Variants in VPS50 observed in about 807,000 individuals in gnomAD.
VPS50 encodes syndetin.
VPS50 carries 70 observed loss-of-function variants against 139.7 expected under a neutral mutation model. That is an observed-to-expected ratio of 0.50 (90% CI 0.41 to 0.61). The LOEUF (loss-of-function observed/expected upper bound fraction) is 0.61. VPS50 is among the 20% of genes least tolerant of loss of function. The pLI is 0.00. For synonymous variants in VPS50, 365 were observed against 376.7 expected (o/e 0.97, Z 0.36); for missense variants, 921 against 1,133.7 (o/e 0.81, Z 2.69).
chr7:93,340,963 A>G (rs1324200761), intron 22 of VPS50: 1 of 153,414 alleles, frequency 6.5e-6, no homozygotes, highest in Non-Finnish European at 1.4e-5. Context: ...GTTCTAGTTT[A>G]TAACTTCATT....
At chr7:93,353,795 T>A in intron 26 of VPS50, 34 bp downstream of exon 26, 1 of 1,516,608 alleles carries the variant, frequency 6.6e-7, no homozygotes, top group Non-Finnish European at 9.1e-7. Flanking sequence ...TTTGTTTCTT[T>A]AATGACAAAT....
At position 93,290,218 on chromosome 7, in the gene VPS50, G is replaced by A. The variant is rs111947992; in HGVS notation, c.943-1485G>A. On this transcript the variant is annotated intron_variant, in intron 12 of 27. Transcript: ENST00000305866. ...CTGGGCATATTTTTATGTCATTAGCGGATATAAATAGTTTCATTTTTTCTT... is the reference window on the plus strand; with the variant it reads ...CTGGGCATATTTTTATGTCATTAGCAGATATAAATAGTTTCATTTTTTCTT... Among the ~76,000 whole-genome samples, 545 of 151,756 alleles carry A rather than the reference G, an allele frequency of 3.6e-3. 3 individuals are homozygous for A. Among genetic ancestry groups the A allele is most frequent in the Middle Eastern group, 0.031 (9 of 292 alleles).
intron 20 of VPS50, among the ~76,000 whole-genome samples, chr7:93,321,585 G>A (rs1797614592): frequency 6.6e-6 from 1 of 152,176 alleles, no homozygotes; most frequent in Admixed American, 6.5e-5. Flanking sequence ...CCTTCAAAAC[G>A]CGTTTGTTGA....
chr7:93,280,360 T>G (rs1231358412), intron 12 of VPS50, among the ~76,000 whole-genome samples: 1 of 152,168 alleles, frequency 6.6e-6, no homozygotes, highest in Non-Finnish European at 1.5e-5. Flanking sequence ...TACATTATTT[T>G]GAAACCCAAA....
chr7:93,303,064 T>G (rs1797023952), intron 16 of VPS50, among the ~76,000 whole-genome samples: 1 of 151,980 alleles, frequency 6.6e-6, no homozygotes, highest in Admixed American at 6.6e-5. Context: ...ACATAATATG[T>G]TGGTATTTAT....
intron 22 of VPS50, among the ~76,000 whole-genome samples, chr7:93,339,659 A>G (rs1798160125): frequency 6.6e-6 from 1 of 152,174 alleles, no homozygotes; most frequent in South Asian, 2.1e-4. Flanking sequence ...TTTAAACTCC[A>G]TAATAGAGAT....
Position 93,358,520 on chromosome 7 carries a change from C to A in VPS50, c.*84C>A, listed in dbSNP as rs1281707322. On this transcript the variant is annotated 3_prime_UTR_variant, in exon 28 of 28. Coordinates refer to ENST00000305866, the MANE Select transcript of VPS50 (RefSeq NM_017667.4). The stretch of plus-strand genomic sequence containing the variant: ...AGCCAGTTTTTTTATGCACTTCTGA[C>A]AACTATCTGCTAAGAAAACTTTGTG... 1.8e-6 allele frequency: 2 copies of A among 1,087,292 alleles called. No homozygotes were observed. The highest frequency in any genetic ancestry group is 2.7e-6 in the Non-Finnish European group (2 of 737,272). The allele number at this position is 1,087,292 out of a possible 1,614,324, so 67.4% of individuals were successfully genotyped here. A position where few individuals can be genotyped will look rare whatever the true frequency, so the allele number is the denominator to read the frequency against.
At chr7:93,265,326 G>C (rs1222496090) in intron 9 of VPS50, among the ~76,000 whole-genome samples, 2 of 152,032 alleles carry the variant, frequency 1.3e-5, no homozygotes, top group Non-Finnish European at 2.9e-5. Flanking sequence ...CATGCCATAC[G>C]TCTCTGTTGC....
At chr7:93,269,187 C>A (rs1271540397) in intron 9 of VPS50, among the ~76,000 whole-genome samples, 1 of 152,016 alleles carries the variant, frequency 6.6e-6, no homozygotes, top group Non-Finnish European at 1.5e-5. Context: ...CATAGCTATC[C>A]TTTTGGGGGA....
intron 9 of VPS50, among the ~76,000 whole-genome samples, chr7:93,268,880 T>G (rs1288168281): frequency 6.6e-6 from 1 of 152,172 alleles, no homozygotes; most frequent in Admixed American, 6.6e-5. Flanking sequence ...AAGGTGATAA[T>G]GCTTGAATTA....
At position 93,291,803 on chromosome 7, in the gene VPS50, A is replaced by G; in HGVS notation, c.1043A>G (p.Lys348Arg). ...TATAGGACTATGGAATGGCATGAAA[A>G]GCATGACAATGAGGATACTGCTTCA... Reference protein sequence around the residue: ...SYYRTMEWHEKHDNEDTASAS... With the variant: ...SYYRTMEWHERHDNEDTASAS... The change falls in exon 13 of 28, where the codon AAG (lysine) becomes AGG (arginine). Residue 348 changes from lysine to arginine, a missense_variant. Physicochemically the swap from Lys to Arg is conservative, Grantham distance 26 (BLOSUM62 2). Coordinates refer to ENST00000305866, the MANE Select transcript of VPS50 (RefSeq NM_017667.4). 1.2e-6 allele frequency: 2 copies of G among 1,602,926 alleles called. No individual in the cohort carries two copies. The highest frequency in any genetic ancestry group is 1.7e-6 in the Non-Finnish European group (2 of 1,173,422).
In VPS50 at chr7:93,232,373, C is replaced by T. The variant is rs1584364192; in HGVS notation, c.-95C>T. 5.7e-6 allele frequency: 6 copies of T among 1,046,484 alleles called. 1 individual carries two copies. The East Asian group carries it at 1.4e-4, about 25-fold the overall frequency. 64.8% of individuals were successfully genotyped at this position (1,046,484 alleles called of 1,614,324 possible). ...CTGGGTCGGCTCCTCCACGTGACCACCCACTATGGCTTCCTAGTGTCAGGG... is the reference window on the plus strand; with the variant it reads ...CTGGGTCGGCTCCTCCACGTGACCATCCACTATGGCTTCCTAGTGTCAGGG... On this transcript the variant is annotated 5_prime_UTR_variant, in exon 1 of 28. Coordinates refer to ENST00000305866, the MANE Select transcript of VPS50 (RefSeq NM_017667.4).
chr7:93,343,502 G>A (rs1199159532), intron 23 of VPS50, among the ~76,000 whole-genome samples: 12 of 151,462 alleles, frequency 7.9e-5, no homozygotes, highest in African/African-American at 1.5e-4. Context: ...GATACTCCTC[G>A]AGAAGAGCAA....
rs1048075159 is a variant in VPS50 at position 93,359,280 on chromosome 7, G to A, written c.*844G>A. 2.6e-5 allele frequency: 4 copies of A among 151,876 alleles called. No homozygotes were observed. The highest frequency in any genetic ancestry group is 9.7e-5 in the African/African-American group (4 of 41,332). 9.4% of individuals were successfully genotyped at this position (151,876 alleles called of 1,614,324 possible). A position where few individuals can be genotyped will look rare whatever the true frequency, so the allele number is the denominator to read the frequency against. On this transcript the variant is annotated 3_prime_UTR_variant, in exon 28 of 28. Coordinates refer to ENST00000305866, the MANE Select transcript of VPS50 (RefSeq NM_017667.4). The stretch of plus-strand genomic sequence containing the variant: ...CTCTTTAAATTCAGATTTTGTCTTA[G>A]GACAGTAAAACCCAGGTTGACTGAC...
At chr7:93,266,633 C>A (rs1795851618) in intron 9 of VPS50, among the ~76,000 whole-genome samples, 4 of 152,146 alleles carry the variant, frequency 2.6e-5, no homozygotes. Context: ...ATTCAGCTTG[C>A]AGACCGCTTT....
At chr7:93,340,345 C>G (rs1259010753) in intron 22 of VPS50, among the ~76,000 whole-genome samples, 1 of 152,164 alleles carries the variant, frequency 6.6e-6, no homozygotes, top group East Asian at 1.9e-4. Context: ...AACTCTTGAG[C>G]TGGCAGTCTT....
At chr7:93,287,168 A>T (rs1796515140) in intron 12 of VPS50, among the ~76,000 whole-genome samples, 1 of 152,070 alleles carries the variant, frequency 6.6e-6, no homozygotes, top group Non-Finnish European at 1.5e-5. Context: ...TTATGTTTGT[A>T]CATGTGAATA....
intron 21 of VPS50, among the ~76,000 whole-genome samples, chr7:93,327,122 A>G (rs567735757): frequency 6.6e-6 from 1 of 152,202 alleles, no homozygotes; most frequent in Non-Finnish European, 1.5e-5. Flanking sequence ...CTTTTGGGCC[A>G]TGCCTCTAGA....
At position 93,260,780 on chromosome 7, in the gene VPS50, C is replaced by T. The variant is rs546954260; in HGVS notation, c.659+1148C>T. Among the ~76,000 whole-genome samples the T allele has an allele frequency of 3.8e-4, 58 of 152,220 alleles. 1 individual carries two copies. The highest frequency in any genetic ancestry group is 1.2e-3 in the African/African-American group (51 of 41,524). On this transcript the variant is annotated intron_variant, in intron 9 of 27. Coordinates refer to ENST00000305866, the MANE Select transcript of VPS50 (RefSeq NM_017667.4). The stretch of plus-strand genomic sequence containing the variant: ...GCGTGATCTTGGCTCACTGCAACCT[C>T]TGCCTCCTGGGTTCAAGCGATTCTC...
Sources: gnomAD v4.1 joint callset for allele counts (sites outside exome capture counted in the v4.1 genomes callset) on GRCh38, gnomAD v4.1.1 for gene constraint, MANE v1.5 for transcripts, NCBI Gene and HGNC (gene_info 2026-07-23, HGNC 2026-07-21) for gene names.